Variants in ITCH observed in about 807,000 individuals in gnomAD.
The protein encoded by ITCH is E3 ubiquitin-protein ligase Itchy homolog.
In ITCH, 28 loss-of-function variants were observed where a neutral mutation model predicts 126.8. The observed-to-expected ratio is 0.22, with a 90% CI of 0.16 to 0.30. The LOEUF (loss-of-function observed/expected upper bound fraction) is 0.30, where lower values mean the gene tolerates loss of function less well. ITCH is among the 10% of genes least tolerant of loss of function. The pLI is 1.00. For synonymous variants in ITCH, 342 were observed against 340.0 expected (o/e 1.01, Z -0.06); for missense variants, 631 against 1,032.4 (o/e 0.61, Z 5.33).
At chr20:34,417,189 C>A in intron 6 of ITCH, 1 of 679,892 alleles carries the variant, frequency 1.5e-6, no homozygotes, top group Non-Finnish European at 2.7e-6. Flanking sequence ...CTCTGCCTCC[C>A]GGGTTTAAGT....
chr20:34,422,486 A>G (rs1226812395), intron 6 of ITCH, among the ~76,000 whole-genome samples: 3 of 152,232 alleles, frequency 2.0e-5, no homozygotes. Flanking sequence ...CCCATTCATA[A>G]GCCATTTTAG....
At chr20:34,500,072 T>C (rs1236706709) in intron 23 of ITCH, among the ~76,000 whole-genome samples, 1 of 152,226 alleles carries the variant, frequency 6.6e-6, no homozygotes, top group Non-Finnish European at 1.5e-5. Context: ...CTTTTAAATT[T>C]GTTGAGACTT....
chr20:34,434,871 G>A (rs1278328361), intron 7 of ITCH, among the ~76,000 whole-genome samples: 1 of 152,092 alleles, frequency 6.6e-6, no homozygotes, highest in Non-Finnish European at 1.5e-5. Flanking sequence ...GCCAATGTTG[G>A]CTTGGTCTCT....
In ITCH at chr20:34,384,308, G is replaced by C. The variant is rs953780383; in HGVS notation, c.-21-9483G>C. On this transcript the variant is annotated intron_variant, in intron 2 of 24. Transcript: ENST00000374864. ...TTTTTTTTTTTTTTTTTGAGATAGAGTCTTGCTCTGTCGCCCAGGCTGGAG... is the reference window on the plus strand; with the variant it reads ...TTTTTTTTTTTTTTTTTGAGATAGACTCTTGCTCTGTCGCCCAGGCTGGAG... 3.3e-5 allele frequency: 4 copies of C among 122,752 alleles called. No homozygotes were observed. In the Admixed American group the frequency reaches 4.0e-4, roughly 12 times the overall value. The allele number at this position is 122,752 out of a possible 1,614,324, so 7.6% of individuals were successfully genotyped here.
intron 17 of ITCH, 119 bp from the exon 18 acceptor site, chr20:34,479,511 T>G (rs1326510801): frequency 3.3e-5 from 26 of 777,042 alleles, no homozygotes; most frequent in Non-Finnish European, 4.7e-5. Context: ...AAAATCAACA[T>G]GAGATTAGAA....
chr20:34,501,281 A>G (rs183687507), intron 23 of ITCH, among the ~76,000 whole-genome samples: 155 of 152,296 alleles, frequency 1.0e-3, no homozygotes, highest in African/African-American at 3.6e-3. Context: ...CCTATTGACA[A>G]TCCCTAGAAA....
intron 3 of ITCH, among the ~76,000 whole-genome samples, chr20:34,406,171 A>G (rs1050348370): frequency 1.3e-5 from 2 of 151,660 alleles, no homozygotes; most frequent in Non-Finnish European, 2.9e-5. Flanking sequence ...CTACAGGTGC[A>G]CGCCATCATG....
intron 3 of ITCH, among the ~76,000 whole-genome samples, chr20:34,406,216 C>T (rs1053321439): frequency 6.0e-5 from 9 of 151,194 alleles, no homozygotes; most frequent in Admixed American, 4.6e-4. Context: ...TTTGTAGAGA[C>T]GGGGGTCTCA....
chr20:34,489,312 C>G lies in ITCH; in HGVS notation c.2140C>G (p.Gln714Glu). ...RLSRGVEEQT[Q>E]AFFEGFNEIL... ...GTCTCGAGGTGTTGAAGAACAGACACAAGCTTTCTTTGAAGGCTTTAATGA... is the reference window on the plus strand; with the variant it reads ...GTCTCGAGGTGTTGAAGAACAGACAGAAGCTTTCTTTGAAGGCTTTAATGA... The change falls in exon 21 of 25, where the codon CAA (glutamine) becomes GAA (glutamate). Residue 714 changes from glutamine (Q) to glutamate (E), a missense_variant. Physicochemically the swap from Gln to Glu is conservative, Grantham distance 29. Around this residue, in one of 4 missense-constraint regions of ITCH, gnomAD observed 390 missense variants for 731.6 expected, o/e 0.53. Coordinates refer to ENST00000374864, the MANE Select transcript of ITCH (RefSeq NM_031483.7). The G allele has an allele frequency of 6.2e-7, 1 of 1,612,370 alleles. No individual in the cohort carries two copies. The highest frequency in any genetic ancestry group is 1.1e-5 in the South Asian group (1 of 91,036).
chr20:34,374,412 C>T (rs1410738500), intron 2 of ITCH, among the ~76,000 whole-genome samples: 1 of 152,106 alleles, frequency 6.6e-6, no homozygotes, highest in Admixed American at 6.6e-5. Context: ...TTAGTTTTCT[C>T]ATCTGTAAAT....
At chr20:34,365,618 T>C (rs1389477952) in intron 1 of ITCH, among the ~76,000 whole-genome samples, 1 of 152,168 alleles carries the variant, frequency 6.6e-6, no homozygotes, top group Non-Finnish European at 1.5e-5. Flanking sequence ...GTTTTCACCA[T>C]ATTGGCTAGG....
intron 2 of ITCH, among the ~76,000 whole-genome samples, chr20:34,371,562 G>A (rs1251965751): frequency 1.3e-5 from 2 of 152,124 alleles, no homozygotes; most frequent in Admixed American, 1.3e-4. Flanking sequence ...GGGATTATAG[G>A]CGTGAGCCAC....
intron 6 of ITCH, among the ~76,000 whole-genome samples, chr20:34,422,784 C>T (rs1309437851): frequency 6.6e-6 from 1 of 152,016 alleles, no homozygotes; most frequent in Non-Finnish European, 1.5e-5. Flanking sequence ...CCACAGGCAA[C>T]CACCACTAAT....
chr20:34,489,811 C>T lies in ITCH; in HGVS notation c.2215-11C>T, dbSNP rs1275792775. ...ACCTTAGGAAACAATTTGTCTTTTT[C>T]ATCCCTAAAGGTCCTTTTATGTGGA... is the stretch of plus-strand genomic sequence containing the variant. On this transcript the variant is annotated splice_polypyrimidine_tract_variant and intron_variant, in intron 21 of 24. Coordinates refer to ENST00000374864, the MANE Select transcript of ITCH (RefSeq NM_031483.7). 6.3e-7 allele frequency: 1 copy of T among 1,586,202 alleles called. No individual in the cohort carries two copies. Among genetic ancestry groups the T allele is most frequent in the Non-Finnish European group, 8.7e-7 (1 of 1,154,866 alleles).
chr20:34,396,533 A>G (rs1358693096), intron 3 of ITCH, among the ~76,000 whole-genome samples: 1 of 150,950 alleles, frequency 6.6e-6, no homozygotes, highest in Non-Finnish European at 1.5e-5. Context: ...AGACCAGGTG[A>G]CAGTCTGCTC....
intron 14 of ITCH, among the ~76,000 whole-genome samples, chr20:34,465,672 A>G (rs774621645): frequency 2.0e-5 from 3 of 151,866 alleles, no homozygotes; most frequent in Non-Finnish European, 4.4e-5. Flanking sequence ...TTGTGATGCT[A>G]TTGTAAATGG....
chr20:34,399,174 C>G (rs750497725), intron 3 of ITCH, among the ~76,000 whole-genome samples: 2 of 150,922 alleles, frequency 1.3e-5, no homozygotes, highest in Non-Finnish European at 3.0e-5. Flanking sequence ...GGGCGGATCA[C>G]TTGAGGTTGG....
chr20:34,493,653 A>G (rs1989666098), intron 23 of ITCH, among the ~76,000 whole-genome samples: 1 of 152,174 alleles, frequency 6.6e-6, no homozygotes, highest in Non-Finnish European at 1.5e-5. Context: ...GAAGTTAGGA[A>G]GTATAAAGAG....
chr20:34,401,114 G>C (rs972911317), intron 3 of ITCH, among the ~76,000 whole-genome samples: 2 of 152,082 alleles, frequency 1.3e-5, no homozygotes, highest in Non-Finnish European at 2.9e-5. Context: ...GGCTGGTCTT[G>C]GATGTTTTGA....
Sources: allele counts gnomAD v4.1 joint callset (sites outside exome capture counted in the v4.1 genomes callset), GRCh38; gene constraint gnomAD v4.1.1; regional missense constraint gnomAD v4.1.1; transcripts MANE v1.5; gene names NCBI Gene and HGNC (gene_info 2026-07-23, HGNC 2026-07-21).